Variants in DCC observed in about 807,000 individuals in gnomAD.
The protein encoded by DCC is DCC netrin 1 receptor.
DCC carries 58 observed loss-of-function variants against 172.5 expected under a neutral mutation model. The observed-to-expected ratio is 0.34, with a 90% CI of 0.27 to 0.42. The LOEUF (loss-of-function observed/expected upper bound fraction) is 0.42. Ranked by LOEUF, DCC falls within the 10% of genes least tolerant of loss-of-function variation. The probability of loss-of-function intolerance (pLI) is 1.00; values close to 1 mark genes in which losing one functional copy is unlikely to be tolerated. For synonymous variants in DCC, 709 were observed against 644.5 expected, an observed-to-expected ratio of 1.10 and a Z score of -1.52; for missense variants, 1,740 against 1,791.0, an observed-to-expected ratio of 0.97 and a Z score of 0.51.
intron 1 of DCC, among the ~76,000 whole-genome samples, chr18:52,450,696 A>G (rs1324957892): frequency 6.6e-6 from 1 of 152,132 alleles, no homozygotes; most frequent in Non-Finnish European, 1.5e-5. Flanking sequence ...GTTCACCAAT[A>G]TGTCTCCTGG....
intron 5 of DCC, among the ~76,000 whole-genome samples, chr18:52,926,052 T>A (rs1270055221): frequency 6.6e-6 from 1 of 151,904 alleles, no homozygotes; most frequent in East Asian, 1.9e-4. Context: ...ATTATGTAGT[T>A]TGGAGAAAGT....
At chr18:53,325,583 T>C (rs1232961220) in intron 14 of DCC, among the ~76,000 whole-genome samples, 1 of 152,204 alleles carries the variant, frequency 6.6e-6, no homozygotes, top group Non-Finnish European at 1.5e-5. Flanking sequence ...ATCAATGCAG[T>C]CTAACTGTAA....
chr18:53,347,184 G>A (rs182939296), intron 15 of DCC, among the ~76,000 whole-genome samples: 6 of 152,286 alleles, frequency 3.9e-5, no homozygotes, highest in African/African-American at 1.4e-4. Context: ...GGTTTCTACT[G>A]GAGTGACAGC....
At chr18:52,739,743 A>T (rs1158653176) in intron 1 of DCC, among the ~76,000 whole-genome samples, 1 of 152,236 alleles carries the variant, frequency 6.6e-6, no homozygotes, top group East Asian at 1.9e-4. Context: ...TGCCGTCGGC[A>T]CTGGCCCCTG....
chr18:53,160,411 T>C (rs1230916711), intron 8 of DCC, among the ~76,000 whole-genome samples: 1 of 152,212 alleles, frequency 6.6e-6, no homozygotes, highest in Non-Finnish European at 1.5e-5. Context: ...CCTTCACTTA[T>C]TCCATAGCTA....
chr18:53,236,034 A>G (rs1476180840), intron 12 of DCC, among the ~76,000 whole-genome samples: 1 of 152,176 alleles, frequency 6.6e-6, no homozygotes, highest in Non-Finnish European at 1.5e-5. Flanking sequence ...GATATTACAG[A>G]TAAAACTGCT....
At chr18:53,269,450 T>C (rs2056722130) in intron 12 of DCC, among the ~76,000 whole-genome samples, 1 of 151,980 alleles carries the variant, frequency 6.6e-6, no homozygotes, top group Non-Finnish European at 1.5e-5. Flanking sequence ...TGACACCCCC[T>C]CTCCACCATA....
At chr18:53,014,132 C>T (rs373214821) in intron 5 of DCC, among the ~76,000 whole-genome samples, 1 of 152,212 alleles carries the variant, frequency 6.6e-6, no homozygotes, top group African/African-American at 2.4e-5. Context: ...TCGTAATGAT[C>T]ATATGACCAA....
At chr18:53,040,023 C>T (rs1248794597) in intron 5 of DCC, among the ~76,000 whole-genome samples, 1 of 151,588 alleles carries the variant, frequency 6.6e-6, no homozygotes, top group African/African-American at 2.4e-5. Flanking sequence ...TAATGGCAGT[C>T]GGAGTAGAAA....
At chr18:52,700,126 C>A (rs973513559) in intron 1 of DCC, among the ~76,000 whole-genome samples, 5 of 149,598 alleles carry the variant, frequency 3.3e-5, no homozygotes, top group African/African-American at 1.2e-4. Context: ...CTCTCGTTTG[C>A]GCTCTCTCGC....
At chr18:52,865,202 G>GTA (rs1568154755) in intron 2 of DCC, among the ~76,000 whole-genome samples, 1 of 152,192 alleles carries the variant, frequency 6.6e-6, no homozygotes, top group East Asian at 1.9e-4. Context: ...GTATTCCATG[G>GTA]TATATATGTG....
intron 8 of DCC, among the ~76,000 whole-genome samples, chr18:53,168,781 A>G (rs1328509551): frequency 1.3e-5 from 2 of 152,130 alleles, no homozygotes; most frequent in Admixed American, 6.5e-5. Flanking sequence ...TGACATGAAC[A>G]TAGGGGTCCT....
chr18:52,734,044 T>C (rs2036687807), intron 1 of DCC, among the ~76,000 whole-genome samples: 1 of 152,160 alleles, frequency 6.6e-6, no homozygotes, highest in Non-Finnish European at 1.5e-5. Flanking sequence ...AGTGTAATTA[T>C]GAACATCTGT....
At position 53,417,925 on chromosome 18, in the gene DCC, C is replaced by T. The variant is rs183687274; in HGVS notation, c.3163+1769C>T. Among the ~76,000 whole-genome samples the T allele has an allele frequency of 4.5e-3, 687 of 152,220 alleles. 7 individuals carry two copies. Among genetic ancestry groups the T allele is most frequent in the Non-Finnish European group, 7.5e-3 (512 of 68,000 alleles). Reference sequence around the variant, plus strand: ...AAAGGCAAATGAGTAAATTATTTCCCAGTCCCTATGATCACACATCCTCCA... The same window carrying T: ...AAAGGCAAATGAGTAAATTATTTCCTAGTCCCTATGATCACACATCCTCCA... On this transcript the variant is annotated intron_variant, in intron 21 of 28. Transcript: ENST00000442544.
At chr18:52,753,410 C>T (rs2037030453) in intron 2 of DCC, among the ~76,000 whole-genome samples, 1 of 152,072 alleles carries the variant, frequency 6.6e-6, no homozygotes, top group Non-Finnish European at 1.5e-5. Context: ...TTCAAGTTGA[C>T]TTACTACTTA....
intron 5 of DCC, among the ~76,000 whole-genome samples, chr18:53,062,376 C>G (rs1382112620): frequency 6.6e-6 from 1 of 152,042 alleles, no homozygotes; most frequent in Non-Finnish European, 1.5e-5. Flanking sequence ...ATGACAAAAA[C>G]ACAGTCTACC....
chr18:52,735,636 G>GTCCAAAAT (rs57613281), intron 1 of DCC, among the ~76,000 whole-genome samples: 35,667 of 151,758 alleles, frequency 0.24, 4,640 homozygotes, highest in African/African-American at 0.34. Context: ...AAGTCCAAAA[G>GTCCAAAAT]CTGATGAACT....
intron 1 of DCC, among the ~76,000 whole-genome samples, chr18:52,688,284 A>T (rs577817182): frequency 1.3e-5 from 2 of 152,238 alleles, no homozygotes; most frequent in African/African-American, 4.8e-5. Flanking sequence ...ACTTAGGCAC[A>T]TCATTGTAAT....
At chr18:53,151,579 A>G (rs2043996058) in intron 7 of DCC, among the ~76,000 whole-genome samples, 1 of 152,210 alleles carries the variant, frequency 6.6e-6, no homozygotes, top group Non-Finnish European at 1.5e-5. Flanking sequence ...TTCACAATGT[A>G]TATATGCCTC....
Sources: gnomAD v4.1 joint callset for allele counts (sites outside exome capture counted in the v4.1 genomes callset) on GRCh38, gnomAD v4.1.1 for gene constraint, MANE v1.5 for transcripts, NCBI Gene and HGNC (gene_info 2026-07-23, HGNC 2026-07-21) for gene names.